Variants in MYO18B observed in about 807,000 individuals in gnomAD.
MYO18B encodes unconventional myosin-XVIIIb.
MYO18B carries 204 observed loss-of-function variants against 273.0 expected under a neutral mutation model. That is an observed-to-expected ratio of 0.75 (90% CI 0.67 to 0.84). The LOEUF (loss-of-function observed/expected upper bound fraction) is 0.84. Among genes scored for constraint, MYO18B ranks in the 40% least tolerant of loss-of-function variants. MYO18B has a pLI of 0.00. For missense variants in MYO18B, 3,212 were observed against 3,287.6 expected (o/e 0.98, Z 0.56); for synonymous variants, 1,330 against 1,305.7 (o/e 1.02, Z -0.40).
chr22:25,934,362 T>C (rs2146521212), intron 34 of MYO18B, among the ~76,000 whole-genome samples: 1 of 152,312 alleles, frequency 6.6e-6, no homozygotes, highest in Admixed American at 6.5e-5. Context: ...AATCAGTTGG[T>C]CAGGCAGAGG....
chr22:25,889,046 G>GAA (rs533902885), intron 25 of MYO18B, among the ~76,000 whole-genome samples: 12 of 142,966 alleles, frequency 8.4e-5, no homozygotes, highest in African/African-American at 3.1e-4. Context: ...ATCCTTCCAG[G>GAA]AAAAAAAAAA....
At chr22:25,806,291 A>C (rs5761227) in intron 12 of MYO18B, among the ~76,000 whole-genome samples, 10,016 of 152,248 alleles carry the variant, frequency 0.066, 577 homozygotes, top group East Asian at 0.21. Context: ...CCACTCGGCT[A>C]CTGTGGGCAT....
intron 34 of MYO18B, among the ~76,000 whole-genome samples, chr22:25,935,400 CT>C (rs1447916482): frequency 1.3e-5 from 2 of 152,118 alleles, no homozygotes; most frequent in African/African-American, 4.8e-5. Flanking sequence ...AGGCAACCCC[CT>C]GGAGGGGGTA....
intron 31 of MYO18B, among the ~76,000 whole-genome samples, chr22:25,904,833 A>G (rs1302794672): frequency 6.6e-6 from 1 of 152,130 alleles, no homozygotes; most frequent in Non-Finnish European, 1.5e-5. Context: ...GGGGGCAGTG[A>G]ATTAATAGGC....
rs1279059960 is a variant in MYO18B, at chr22:25,768,260, C to T, written c.344C>T (p.Pro115Leu). 6.2e-7 allele frequency: 1 copy of T among 1,613,980 alleles called. No individual in the cohort carries two copies. ...AAGGAGAGCGAGGGGTCCCGCAGCCCCGACCCTGAGCAGATGACAAGCATC... is the reference window on the plus strand; with the variant it reads ...AAGGAGAGCGAGGGGTCCCGCAGCCTCGACCCTGAGCAGATGACAAGCATC... ...LGKESEGSRS[P>L]DPEQMTSING... The change falls in exon 4 of 44, where the codon CCC (proline) becomes CTC (leucine). Residue 115 changes from proline (P) to leucine (L), a missense_variant. Pro to Leu is a moderately conservative substitution (Grantham distance 98). Coordinates refer to ENST00000335473, the MANE Select transcript of MYO18B (RefSeq NM_032608.7).
intron 21 of MYO18B, among the ~76,000 whole-genome samples, chr22:25,854,530 T>C (rs930244540): frequency 4.6e-5 from 7 of 152,228 alleles, no homozygotes; most frequent in Non-Finnish European, 4.4e-5. Context: ...TAAACTTTAC[T>C]GCCATAACCA....
At chr22:25,767,992 C>G (rs5752202) in intron 3 of MYO18B, 123 bp from the exon 4 acceptor site, 4 of 963,992 alleles carry the variant, frequency 4.1e-6, no homozygotes, top group Non-Finnish European at 6.3e-6. Context: ...TGGAGGTGCT[C>G]GAGCATCTGT....
chr22:25,749,925 T>A (rs576436193), intron 1 of MYO18B, among the ~76,000 whole-genome samples: 1 of 152,288 alleles, frequency 6.6e-6, no homozygotes, highest in East Asian at 1.9e-4. Context: ...TGCCTGGTTT[T>A]AAAAATAAAG....
downstream of MYO18B, among the ~76,000 whole-genome samples, chr22:26,035,186 A>G (rs1355088103): frequency 6.6e-5 from 10 of 152,220 alleles, no homozygotes; most frequent in Non-Finnish European, 2.9e-5. Context: ...TATTATGGAA[A>G]TGAACAATTA....
chr22:25,979,870 T>G (rs762972102), intron 39 of MYO18B, among the ~76,000 whole-genome samples: 10 of 152,016 alleles, frequency 6.6e-5, no homozygotes, highest in African/African-American at 9.7e-5. Flanking sequence ...GATAAGGTCT[T>G]GAGGAGTCTG....
intron 34 of MYO18B, 93 bp downstream of exon 34, chr22:25,921,502 T>C: frequency 6.9e-7 from 1 of 1,444,962 alleles, no homozygotes; most frequent in Non-Finnish European, 9.3e-7. Flanking sequence ...AGCGGAACCA[T>C]GGTGCCAACC....
chr22:25,916,795 G>A (rs766151858), intron 33 of MYO18B, among the ~76,000 whole-genome samples: 2 of 152,206 alleles, frequency 1.3e-5, no homozygotes, highest in Non-Finnish European at 2.9e-5. Context: ...ACTTTGGGAG[G>A]CCAAGGTGGG....
At chr22:25,851,688 T>A in intron 21 of MYO18B, 109 bp downstream of exon 21, 1 of 796,902 alleles carries the variant, frequency 1.3e-6, no homozygotes, top group Non-Finnish European at 2.1e-6. Context: ...GTAATCTCAG[T>A]GCTTTGGGAT....
intron 11 of MYO18B, among the ~76,000 whole-genome samples, chr22:25,797,721 A>C (rs533940461): frequency 6.6e-6 from 1 of 152,238 alleles, no homozygotes. Context: ...GCGTGCACAC[A>C]TGAAGGAATA....
intron 3 of MYO18B, among the ~76,000 whole-genome samples, chr22:25,763,879 C>T (rs557995348): frequency 1.1e-4 from 16 of 152,274 alleles, no homozygotes; most frequent in African/African-American, 3.9e-4. Flanking sequence ...TAGATACTGG[C>T]TAAGATGTAT....
Position 25,957,764 on chromosome 22 carries a change from A to G in MYO18B, c.6156+2400A>G, listed in dbSNP as rs2092870470. ...CTGCCTCAGTGATGGCTTTCTTCAC[A>G]TGGCTTTCTTTTCTGTGTATGTGTG... On this transcript the variant is annotated intron_variant, in intron 39 of 43. Coordinates refer to ENST00000335473, the MANE Select transcript of MYO18B (RefSeq NM_032608.7). Among the ~76,000 whole-genome samples, 3 of 151,996 alleles carry G rather than the reference A, an allele frequency of 2.0e-5. No individual in the cohort carries two copies. The South Asian group carries it at 6.2e-4, about 32-fold the overall frequency.
chr22:25,845,287 GGT>G (rs1447108052), intron 18 of MYO18B, among the ~76,000 whole-genome samples: 3 of 152,252 alleles, frequency 2.0e-5, no homozygotes, highest in Non-Finnish European at 4.4e-5. Flanking sequence ...GGGAGGCCAA[GGT>G]GGGCAGATCA....
intron 21 of MYO18B, among the ~76,000 whole-genome samples, chr22:25,862,442 C>A (rs1361705173): frequency 6.6e-6 from 1 of 152,124 alleles, no homozygotes; most frequent in Non-Finnish European, 1.5e-5. Context: ...ATTTGAATTA[C>A]GTGTGATATG....
chr22:25,860,554 T>C (rs1165532649), intron 21 of MYO18B, among the ~76,000 whole-genome samples: 1 of 152,206 alleles, frequency 6.6e-6, no homozygotes, highest in Non-Finnish European at 1.5e-5. Context: ...TTCAAGATAT[T>C]TTCTAATTCC....
Sources: allele counts gnomAD v4.1 joint callset (sites outside exome capture counted in the v4.1 genomes callset), GRCh38; gene constraint gnomAD v4.1.1; transcripts MANE v1.5; gene names NCBI Gene and HGNC (gene_info 2026-07-23, HGNC 2026-07-21).